The following WDR49 variants were observed in gnomAD, a reference collection of about 807,000 sequenced individuals.
The protein encoded by WDR49 is WD repeat domain 49.
A neutral mutation model predicts 119.5 loss-of-function variants in WDR49; 107 were observed. That is an observed-to-expected ratio of 0.90 (90% confidence interval 0.77 to 1.05). WDR49 has a LOEUF of 1.05. Ranked by LOEUF, WDR49 falls within the 50% of genes least tolerant of loss-of-function variation. The pLI is 0.00. For missense variants in WDR49, 1,240 were observed against 1,220.5 expected, an observed-to-expected ratio of 1.02 and a Z score of -0.24; for synonymous variants, 425 against 418.8, an observed-to-expected ratio of 1.01 and a Z score of -0.18.
chr3:167,487,354 C>A (rs1378891253), intron 18 of WDR49, among the ~76,000 whole-genome samples: 1 of 152,086 alleles, frequency 6.6e-6, no homozygotes, highest in Admixed American at 6.6e-5. Flanking sequence ...GGACCCTTAT[C>A]TTTCAACATA....
At chr3:167,569,817 C>T (rs564048755) in intron 8 of WDR49, among the ~76,000 whole-genome samples, 3 of 152,152 alleles carry the variant, frequency 2.0e-5, no homozygotes, top group South Asian at 2.1e-4. Context: ...TTGTGGAAGT[C>T]GTAAAACTCG....
chr3:167,537,945 T>C (rs1174666654), intron 10 of WDR49, among the ~76,000 whole-genome samples: 2 of 152,144 alleles, frequency 1.3e-5, no homozygotes. Context: ...CTCCTCAGCC[T>C]CAGAGTTTCC....
At chr3:167,556,274 C>T (rs1428031199) in intron 9 of WDR49, among the ~76,000 whole-genome samples, 1 of 152,162 alleles carries the variant, frequency 6.6e-6, no homozygotes, top group Non-Finnish European at 1.5e-5. Flanking sequence ...TTTCTGCTTC[C>T]TTATCTGTGA....
intron 18 of WDR49, among the ~76,000 whole-genome samples, chr3:167,487,088 A>T (rs78284772): frequency 6.6e-6 from 1 of 152,186 alleles, no homozygotes; most frequent in Non-Finnish European, 1.5e-5. Context: ...CTAAGCAAAA[A>T]GAACAAAGCT....
At position 167,505,897 on chromosome 3, in the gene WDR49, C is replaced by T. The variant is rs114542802; in HGVS notation, c.2775-481G>A. On this transcript the variant is annotated intron_variant, in intron 16 of 18. Transcript: ENST00000682715. ...ATATGAATCTATAAGAAAATTTTAG[C>T]GTAACTTGAATTCACAGAAAGGATT... Among the ~76,000 whole-genome samples the T allele has an allele frequency of 6.1e-3, 930 of 152,084 alleles. 4 individuals carry two copies. The highest frequency in any genetic ancestry group is 0.013 in the African/African-American group (532 of 41,472).
chr3:167,602,487 GAA>G (rs1715824427), intron 6 of WDR49, among the ~76,000 whole-genome samples: 1 of 152,002 alleles, frequency 6.6e-6, no homozygotes, highest in Non-Finnish European at 1.5e-5. Flanking sequence ...GATTAGGGAA[GAA>G]AAAATTTGTC....
At chr3:167,598,910 T>A (rs1468609829) in intron 7 of WDR49, among the ~76,000 whole-genome samples, 2 of 152,232 alleles carry the variant, frequency 1.3e-5, no homozygotes, top group Non-Finnish European at 2.9e-5. Context: ...TCTTATTCTC[T>A]CACCTTACTT....
chr3:167,492,565 T>A (rs748252164), intron 18 of WDR49, among the ~76,000 whole-genome samples: 3 of 152,164 alleles, frequency 2.0e-5, no homozygotes, highest in Non-Finnish European at 4.4e-5. Context: ...AAAGTCTTAC[T>A]GGGTATCAGG....
intron 10 of WDR49, among the ~76,000 whole-genome samples, chr3:167,550,363 AT>A: frequency 6.6e-6 from 1 of 152,084 alleles, no homozygotes; most frequent in Non-Finnish European, 1.5e-5. Context: ...GTCCTCTTTT[AT>A]TTTGTTGAGC....
At chr3:167,505,782 G>A (rs2108214575) in intron 16 of WDR49, among the ~76,000 whole-genome samples, 1 of 152,258 alleles carries the variant, frequency 6.6e-6, no homozygotes, top group South Asian at 2.1e-4. Flanking sequence ...AATCCTTTGT[G>A]TCAAAGCTTA....
chr3:167,575,322 G>A (rs940027291), intron 8 of WDR49: 43 of 984,556 alleles, frequency 4.4e-5, no homozygotes, highest in Non-Finnish European at 5.1e-5. Flanking sequence ...CTCCAGGGGA[G>A]CCCTGCTTCT....
intron 18 of WDR49, among the ~76,000 whole-genome samples, chr3:167,488,813 C>A (rs1751020397): frequency 1.3e-5 from 2 of 152,150 alleles, no homozygotes; most frequent in South Asian, 2.1e-4. Context: ...GACCCCTGAG[C>A]CCCCTCTAAT....
At chr3:167,624,042 A>G (rs987963450) in intron 3 of WDR49, among the ~76,000 whole-genome samples, 1 of 152,014 alleles carries the variant, frequency 6.6e-6, no homozygotes, top group African/African-American at 2.4e-5. Flanking sequence ...ACTCAATAAG[A>G]TAACAATCCT....
intron 7 of WDR49, among the ~76,000 whole-genome samples, chr3:167,582,624 C>T (rs1404366928): frequency 6.6e-6 from 1 of 152,024 alleles, no homozygotes; most frequent in Non-Finnish European, 1.5e-5. Flanking sequence ...TGTCTAACAA[C>T]TCTGAATTGT....
intron 18 of WDR49, 108 bp downstream of exon 18, chr3:167,500,045 C>T (rs1023980132): frequency 7.8e-7 from 1 of 1,281,196 alleles, no homozygotes; most frequent in Admixed American, 3.0e-5. Context: ...TGTTTCACTG[C>T]AAACTACAAG....
upstream of WDR49, among the ~76,000 whole-genome samples, chr3:167,654,325 A>T (rs963967928): frequency 3.3e-5 from 5 of 152,168 alleles, no homozygotes; most frequent in African/African-American, 1.2e-4. Context: ...GTTTCTATGT[A>T]TATAAAATAG....
intron 10 of WDR49, among the ~76,000 whole-genome samples, chr3:167,553,038 A>G (rs1020099648): frequency 6.6e-6 from 1 of 152,098 alleles, no homozygotes; most frequent in African/African-American, 2.4e-5. Flanking sequence ...TCCTGTAACT[A>G]TAACTGAACA....
chr3:167,617,962 C>A (rs754042409), intron 5 of WDR49, among the ~76,000 whole-genome samples: 7 of 152,176 alleles, frequency 4.6e-5, no homozygotes, highest in Non-Finnish European at 7.3e-5. Flanking sequence ...TCCAAGTTTC[C>A]TCAAAAGCCT....
At chr3:167,646,032 G>A (rs1718106588) in intron 2 of WDR49, among the ~76,000 whole-genome samples, 2 of 152,268 alleles carry the variant, frequency 1.3e-5, no homozygotes, top group East Asian at 3.9e-4. Flanking sequence ...GGGGATGGGA[G>A]AGAAATATTC....
Sources: gnomAD v4.1 joint callset for allele counts (sites outside exome capture counted in the v4.1 genomes callset) on GRCh38, gnomAD v4.1.1 for gene constraint, MANE v1.5 for transcripts, NCBI Gene and HGNC (gene_info 2026-07-23, HGNC 2026-07-21) for gene names.